The following CYB5R4 variants were observed in gnomAD, a reference collection of about 807,000 sequenced individuals.
CYB5R4 encodes the protein cytochrome b5 reductase 4, also known as N-terminal cytochrome b5 and cytochrome b5 oxidoreductase domain-containing protein.
Under a neutral mutation model 70.2 loss-of-function variants are expected in CYB5R4, and 55 were observed. The observed-to-expected ratio is 0.78, with a 90% CI of 0.63 to 0.98. The LOEUF is 0.98. Among genes scored for constraint, CYB5R4 ranks in the 50% least tolerant of loss-of-function variants. The pLI is 0.00. For missense variants in CYB5R4, 562 were observed against 612.6 expected (o/e 0.92, Z 0.87); for synonymous variants, 197 against 199.5 (o/e 0.99, Z 0.11).
At chr6:83,956,023 G>A (rs1237344429) in intron 15 of CYB5R4, among the ~76,000 whole-genome samples, 6 of 152,104 alleles carry the variant, frequency 3.9e-5, no homozygotes, top group Non-Finnish European at 8.8e-5. Flanking sequence ...CTTTAAAATG[G>A]CACTTTAAAA....
At chr6:83,929,297 T>A (rs2099467792) in intron 10 of CYB5R4, 1 of 152,226 alleles carries the variant, frequency 6.6e-6, no homozygotes. Flanking sequence ...GCTGTAATTA[T>A]TGACTTTATG....
intron 3 of CYB5R4, among the ~76,000 whole-genome samples, chr6:83,903,108 A>T (rs1406835942): frequency 1.3e-5 from 2 of 152,120 alleles, no homozygotes; most frequent in African/African-American, 2.4e-5. Context: ...GTTCTTAGTG[A>T]AAAGGCTTTT....
At chr6:83,928,326 A>G (rs2099467649) in intron 10 of CYB5R4, among the ~76,000 whole-genome samples, 1 of 152,198 alleles carries the variant, frequency 6.6e-6, no homozygotes, top group South Asian at 2.1e-4. Context: ...CAAACATGAA[A>G]TTGAAGAATA....
Position 83,962,961 on chromosome 6 carries a change from G to C in CYB5R4, c.*3083G>C, listed in dbSNP as rs557290942. 2.6e-5 allele frequency: 4 copies of C among 152,266 alleles called. No homozygotes were observed. The South Asian group carries it at 6.2e-4, about 24-fold the overall frequency. 9.4% of individuals were successfully genotyped at this position (152,266 alleles called of 1,614,324 possible). A position where few individuals can be genotyped will look rare whatever the true frequency, so the allele number is the denominator to read the frequency against. On this transcript the variant is annotated 3_prime_UTR_variant, in exon 16 of 16. Transcript: ENST00000369681. Reference sequence around the variant, plus strand: ...TGAATCTTATGCTTTCAATCTCTCTGAATTCCCTTTCTGCCATATCTTTCT... The same window carrying C: ...TGAATCTTATGCTTTCAATCTCTCTCAATTCCCTTTCTGCCATATCTTTCT...
chr6:83,864,978 C>CTA (rs1408832092), intron 2 of CYB5R4, among the ~76,000 whole-genome samples: 1 of 152,132 alleles, frequency 6.6e-6, no homozygotes. Context: ...AGGCATCCAA[C>CTA]TATACCATGA....
At position 83,872,404 on chromosome 6, in the gene CYB5R4, A is replaced by G. The variant is rs374890896; in HGVS notation, c.229+8076A>G. ...ACAGATTGAGGGTACTGAAGCTTAG[A>G]GAATCCGCATTTACCAAATAAGAAA... On this transcript the variant is annotated intron_variant, in intron 2 of 15. Coordinates refer to ENST00000369681, the MANE Select transcript of CYB5R4 (RefSeq NM_016230.4). Among the ~76,000 whole-genome samples the G allele has an allele frequency of 4.1e-4, 62 of 152,346 alleles. 1 individual carries two copies. In the East Asian group the frequency reaches 0.01, roughly 25 times the overall value.
intron 14 of CYB5R4, among the ~76,000 whole-genome samples, chr6:83,947,210 T>A (rs1277784447): frequency 6.6e-6 from 1 of 152,032 alleles, no homozygotes; most frequent in Non-Finnish European, 1.5e-5. Context: ...AAAACAGATA[T>A]ATAGACTAGT....
At chr6:83,892,995 A>G (rs1474519582) in intron 2 of CYB5R4, among the ~76,000 whole-genome samples, 1 of 152,116 alleles carries the variant, frequency 6.6e-6, no homozygotes, top group Admixed American at 6.6e-5. Flanking sequence ...TTTAAAGGAT[A>G]TTTGCATTGT....
chr6:83,906,037 G>A (rs1216991956), intron 3 of CYB5R4, among the ~76,000 whole-genome samples: 1 of 152,154 alleles, frequency 6.6e-6, no homozygotes. Context: ...GCAGAGGGGG[G>A]TGAGGCCAGC....
chr6:83,934,798 T>A, intron 11 of CYB5R4, 63 bp downstream of exon 11: 2 of 1,394,890 alleles, frequency 1.4e-6, no homozygotes, highest in Non-Finnish European at 2.0e-6. Flanking sequence ...AAATCAGTAC[T>A]ATTCTCTCTA....
chr6:83,912,273 T>G (rs967215172), intron 4 of CYB5R4, among the ~76,000 whole-genome samples: 4 of 152,212 alleles, frequency 2.6e-5, no homozygotes, highest in Non-Finnish European at 5.9e-5. Flanking sequence ...TTATGTATGA[T>G]AAGCAGACTG....
intron 14 of CYB5R4, among the ~76,000 whole-genome samples, chr6:83,953,255 T>C (rs2099471818): frequency 1.3e-5 from 2 of 152,120 alleles, no homozygotes; most frequent in Admixed American, 6.6e-5. Flanking sequence ...CACAGACTTA[T>C]TTGATAGTTA....
Position 83,965,054 on chromosome 6 carries a change from A to C in CYB5R4, c.*5176A>C, listed in dbSNP as rs1450076469. The C allele has an allele frequency of 6.6e-6, 1 of 152,270 alleles. No individual in the cohort carries two copies. Among genetic ancestry groups the C allele is most frequent in the African/African-American group, 2.4e-5 (1 of 41,470 alleles). The allele number at this position is 152,270 out of a possible 1,614,324, so 9.4% of individuals were successfully genotyped here. A position where few individuals can be genotyped will look rare whatever the true frequency, so the allele number is the denominator to read the frequency against. On this transcript the variant is annotated 3_prime_UTR_variant, in exon 16 of 16. Transcript: ENST00000369681. Reference sequence around the variant, plus strand: ...GGATGCCCAGGCAGAAGTTTGCTGCAGGGGCGGGGCTCTCATGGAGAACCT... The same window carrying C: ...GGATGCCCAGGCAGAAGTTTGCTGCCGGGGCGGGGCTCTCATGGAGAACCT...
At chr6:83,897,445 T>C (rs1279919540) in intron 3 of CYB5R4, among the ~76,000 whole-genome samples, 1 of 152,246 alleles carries the variant, frequency 6.6e-6, no homozygotes, top group Non-Finnish European at 1.5e-5. Flanking sequence ...ATGGTAATTC[T>C]AGTTCTAGAT....
intron 2 of CYB5R4, among the ~76,000 whole-genome samples, chr6:83,875,174 C>T (rs184996061): frequency 2.9e-4 from 44 of 152,296 alleles, no homozygotes; most frequent in Middle Eastern, 3.4e-3. Context: ...CCCTATATCC[C>T]TTGCATCTGG....
intron 14 of CYB5R4, among the ~76,000 whole-genome samples, chr6:83,946,853 C>G (rs1380423555): frequency 6.6e-6 from 1 of 152,120 alleles, no homozygotes; most frequent in African/African-American, 2.4e-5. Flanking sequence ...ATCCAACTTA[C>G]AAGAGATGTG....
intron 14 of CYB5R4, among the ~76,000 whole-genome samples, chr6:83,943,103 C>T (rs1216698065): frequency 1.3e-5 from 2 of 152,156 alleles, no homozygotes; most frequent in Non-Finnish European, 1.5e-5. Flanking sequence ...GCACAGTGCT[C>T]GAGCTCTGCT....
At chr6:83,928,867 C>A (rs893798530) in intron 10 of CYB5R4, among the ~76,000 whole-genome samples, 1 of 152,112 alleles carries the variant, frequency 6.6e-6, no homozygotes, top group African/African-American at 2.4e-5. Context: ...CCTGGGCTGA[C>A]CTCCATTTGG....
intron 12 of CYB5R4, among the ~76,000 whole-genome samples, chr6:83,939,790 ATAG>A (rs1291665337): frequency 2.0e-5 from 3 of 152,168 alleles, no homozygotes; most frequent in Non-Finnish European, 4.4e-5. Flanking sequence ...GTTTGGCAAA[ATAG>A]TGGTGGGAAA....
Sources: allele counts gnomAD v4.1 joint callset (sites outside exome capture counted in the v4.1 genomes callset), GRCh38; gene constraint gnomAD v4.1.1; transcripts MANE v1.5; gene names NCBI Gene and HGNC (gene_info 2026-07-23, HGNC 2026-07-21).